Variants in ANO6 observed in about 807,000 individuals in gnomAD.
ANO6 encodes anoctamin 6, also known as anoctamin-6.
A neutral mutation model predicts 117.5 loss-of-function variants in ANO6; 106 were observed. That is an observed-to-expected ratio of 0.90 (90% CI 0.77 to 1.06). The LOEUF is 1.06. ANO6 is among the 50% of genes least tolerant of loss of function. The probability of loss-of-function intolerance (pLI) is 0.00; values close to 1 mark genes in which losing one functional copy is unlikely to be tolerated. For missense variants in ANO6, 955 were observed against 1,121.1 expected (o/e 0.85, Z 2.12); for synonymous variants, 367 against 385.1 (o/e 0.95, Z 0.55).
chr12:45,387,911 T>C (rs1942341401), intron 10 of ANO6, among the ~76,000 whole-genome samples: 1 of 152,058 alleles, frequency 6.6e-6, no homozygotes, highest in Non-Finnish European at 1.5e-5. Flanking sequence ...TCTCTCCTAT[T>C]GCCATGTAAG....
chr12:45,346,372 A>G (rs1023309477), intron 3 of ANO6, among the ~76,000 whole-genome samples: 1 of 152,226 alleles, frequency 6.6e-6, no homozygotes, highest in African/African-American at 2.4e-5. Context: ...TTTAATATCC[A>G]TAAGTGTAGT....
At chr12:45,364,764 A>C (rs1316284237) in intron 8 of ANO6, among the ~76,000 whole-genome samples, 1 of 152,142 alleles carries the variant, frequency 6.6e-6, no homozygotes, top group African/African-American at 2.4e-5. Context: ...AATAAATGCA[A>C]TATCTGGGTG....
intron 17 of ANO6, 145 bp from the exon 18 acceptor site, chr12:45,420,926 G>A (rs1943342870): frequency 2.4e-6 from 2 of 819,180 alleles, no homozygotes; most frequent in South Asian, 2.9e-5. Context: ...TCAGGAGGCT[G>A]AGGCAGGAGA....
intron 9 of ANO6, among the ~76,000 whole-genome samples, chr12:45,368,162 T>C (rs1165911052): frequency 6.6e-5 from 10 of 152,232 alleles, no homozygotes; most frequent in Admixed American, 6.5e-4. Context: ...CCAAGGTGTT[T>C]TGAATTTTGG....
chr12:45,379,907 C>T (rs1342353283), intron 10 of ANO6, among the ~76,000 whole-genome samples: 1 of 152,156 alleles, frequency 6.6e-6, no homozygotes, highest in Admixed American at 6.5e-5. Context: ...ACTTTAAGTG[C>T]TTTGTGTGGC....
chr12:45,319,185 T>A (rs1268379426), intron 2 of ANO6, among the ~76,000 whole-genome samples: 1 of 152,180 alleles, frequency 6.6e-6, no homozygotes, highest in Non-Finnish European at 1.5e-5. Flanking sequence ...GGCATCCCTG[T>A]CTTGTGCCAG....
chr12:45,427,678 T>G (rs1444380711), intron 19 of ANO6, among the ~76,000 whole-genome samples: 1 of 149,668 alleles, frequency 6.7e-6, no homozygotes, highest in Non-Finnish European at 1.5e-5. Flanking sequence ...TCATTGGTAA[T>G]CAGGAAAATG....
chr12:45,216,690 C>T (rs1947319210), intron 1 of ANO6, among the ~76,000 whole-genome samples: 2 of 152,236 alleles, frequency 1.3e-5, no homozygotes, highest in South Asian at 4.1e-4. Flanking sequence ...GCGGAAGTCT[C>T]CACTCAGAAG....
intron 2 of ANO6, among the ~76,000 whole-genome samples, chr12:45,324,701 C>T (rs1278459411): frequency 6.6e-6 from 1 of 152,154 alleles, no homozygotes; most frequent in Non-Finnish European, 1.5e-5. Context: ...ACATGTGTCA[C>T]TATGGGAGTG....
At chr12:45,297,297 A>G (rs1939326298) in intron 1 of ANO6, among the ~76,000 whole-genome samples, 1 of 152,208 alleles carries the variant, frequency 6.6e-6, no homozygotes, top group Non-Finnish European at 1.5e-5. Flanking sequence ...TTGATGCCTA[A>G]TTCTGATTAT....
intron 1 of ANO6, among the ~76,000 whole-genome samples, chr12:45,294,871 G>T (rs1939235204): frequency 6.6e-6 from 1 of 152,208 alleles, no homozygotes; most frequent in African/African-American, 2.4e-5. Flanking sequence ...AAAAATTGGT[G>T]CCTAATGAGG....
chr12:45,270,359 T>C (rs1467737932), intron 1 of ANO6: 3 of 1,368,096 alleles, frequency 2.2e-6, no homozygotes, highest in Non-Finnish European at 2.8e-6. Context: ...CAGGTCCTTG[T>C]TGTTACAGAG....
At chr12:45,346,487 GA>G (rs1941135211) in intron 3 of ANO6, among the ~76,000 whole-genome samples, 1 of 152,106 alleles carries the variant, frequency 6.6e-6, no homozygotes, top group African/African-American at 2.4e-5. Context: ...CTTGCAGAGA[GA>G]AAAAAATTAT....
intron 1 of ANO6, among the ~76,000 whole-genome samples, chr12:45,294,641 T>C (rs1219103506): frequency 6.6e-6 from 1 of 152,238 alleles, no homozygotes; most frequent in Admixed American, 6.5e-5. Flanking sequence ...TTGAGTTTAC[T>C]TGCCAGTAAC....
chr12:45,392,330 G>A (rs1942476692), intron 12 of ANO6, among the ~76,000 whole-genome samples: 1 of 152,190 alleles, frequency 6.6e-6, no homozygotes, highest in Non-Finnish European at 1.5e-5. Flanking sequence ...GCTTGAGTAG[G>A]TAAACAAAGC....
In ANO6 at chr12:45,350,846, G is replaced by A. The variant is rs561501308; in HGVS notation, c.863+72G>A. ...ACCCCCACAGCATCTGAATGTGACA[G>A]TACTCATCAAGACTCTTGCCAGTGA... On this transcript the variant is annotated intron_variant, in intron 7 of 19. Coordinates refer to ENST00000320560, the MANE Select transcript of ANO6 (RefSeq NM_001025356.3). 1.5e-5 allele frequency: 19 copies of A among 1,273,704 alleles called. No homozygotes were observed. The Admixed American group carries it at 2.4e-4, about 16-fold the overall frequency. 78.9% of individuals were successfully genotyped at this position (1,273,704 alleles called of 1,614,324 possible).
intron 3 of ANO6, among the ~76,000 whole-genome samples, chr12:45,341,085 A>G (rs1940967845): frequency 6.6e-6 from 1 of 152,210 alleles, no homozygotes; most frequent in East Asian, 1.9e-4. Context: ...TCCTTGATAC[A>G]ACTGTTTTAA....
chr12:45,234,271 A>T lies in ANO6; in HGVS notation c.70+17880A>T, dbSNP rs199504058. ...GAAACTGAACTGCACATTCATTCTG[A>T]GGATTATTGCACTGATGAGTTTACT... On this transcript the variant is annotated intron_variant, in intron 1 of 19. Transcript: ENST00000320560. 1.1e-4 allele frequency among the ~76,000 whole-genome samples: 16 copies of T among 152,320 alleles called. No homozygotes were observed. In the East Asian group the frequency reaches 2.9e-3, roughly 28 times the overall value.
intron 2 of ANO6, among the ~76,000 whole-genome samples, chr12:45,311,614 T>A (rs1432493231): frequency 6.6e-6 from 1 of 152,084 alleles, no homozygotes; most frequent in African/African-American, 2.4e-5. Flanking sequence ...TTGCAAAATG[T>A]AGCATTAAGA....
Sources: allele counts gnomAD v4.1 joint callset (sites outside exome capture counted in the v4.1 genomes callset), GRCh38; gene constraint gnomAD v4.1.1; transcripts MANE v1.5; gene names NCBI Gene and HGNC (gene_info 2026-07-23, HGNC 2026-07-21).